Variants in PCSK5 observed in about 807,000 individuals in gnomAD.
The protein encoded by PCSK5 is proprotein convertase subtilisin/kexin type 5.
Under a neutral mutation model 233.2 loss-of-function variants are expected in PCSK5, and 129 were observed. The observed-to-expected ratio is 0.55, with a 90% CI of 0.48 to 0.64. The LOEUF is 0.64. Ranked by LOEUF, PCSK5 falls within the 30% of genes least tolerant of loss-of-function variation. The probability of loss-of-function intolerance (pLI) is 0.00; values close to 1 mark genes in which losing one functional copy is unlikely to be tolerated. For missense variants in PCSK5, 2,076 were observed against 2,430.1 expected, an observed-to-expected ratio of 0.85 and a Z score of 3.06; for synonymous variants, 825 against 879.2, an observed-to-expected ratio of 0.94 and a Z score of 1.09.
At chr9:76,117,374 T>A (rs930066930) in intron 9 of PCSK5, among the ~76,000 whole-genome samples, 18 of 152,062 alleles carry the variant, frequency 1.2e-4, no homozygotes, top group Admixed American at 1.2e-3. Flanking sequence ...TATATTGTGC[T>A]AGAGGGATTG....
chr9:76,166,751 C>G (rs1278212325), intron 12 of PCSK5, among the ~76,000 whole-genome samples: 1 of 152,208 alleles, frequency 6.6e-6, no homozygotes, highest in Non-Finnish European at 1.5e-5. Context: ...AGAGCTTAAG[C>G]TGGAGCTGTG....
intron 5 of PCSK5, among the ~76,000 whole-genome samples, chr9:76,058,126 A>G (rs550894977): frequency 6.6e-6 from 1 of 152,206 alleles, no homozygotes. Flanking sequence ...CAAGGATTAC[A>G]GATATTGCAA....
chr9:75,910,334 G>A (rs1345106938), intron 1 of PCSK5, among the ~76,000 whole-genome samples: 2 of 152,190 alleles, frequency 1.3e-5, no homozygotes, highest in Non-Finnish European at 2.9e-5. Context: ...TGGTAATTAT[G>A]TATATCCAAG....
chr9:75,970,618 TTTTA>T (rs1341768726), intron 2 of PCSK5, among the ~76,000 whole-genome samples: 1 of 152,102 alleles, frequency 6.6e-6, no homozygotes, highest in Non-Finnish European at 1.5e-5. Flanking sequence ...TTAAACTTTA[TTTTA>T]TTTATTTATT....
chr9:76,135,452 T>C (rs1822930831), intron 10 of PCSK5, among the ~76,000 whole-genome samples: 1 of 152,112 alleles, frequency 6.6e-6, no homozygotes, highest in Non-Finnish European at 1.5e-5. Flanking sequence ...TGAAGTATTA[T>C]CAAACACCTT....
chr9:76,004,519 A>C (rs753280342), intron 3 of PCSK5, among the ~76,000 whole-genome samples: 2 of 152,060 alleles, frequency 1.3e-5, no homozygotes, highest in Admixed American at 6.5e-5. Context: ...TTCCCTGTCA[A>C]TTTTTCCCCA....
At position 75,977,089 on chromosome 9, in the gene PCSK5, A is replaced by C. The variant is rs74336099; in HGVS notation, c.298-9043A>C. ...AACCTAGGCCTTTGCAGTTTATGAA[A>C]CAACTGCTCATATCTATTTCTAGAG... On this transcript the variant is annotated intron_variant, in intron 2 of 37. Transcript: ENST00000674117. Among the ~76,000 whole-genome samples the C allele has an allele frequency of 3.4e-3, 511 of 152,332 alleles. 1 individual carries two copies. Among genetic ancestry groups the C allele is most frequent in the African/African-American group, 0.012 (490 of 41,572 alleles).
At chr9:76,073,898 G>T (rs1321787443) in intron 7 of PCSK5, among the ~76,000 whole-genome samples, 2 of 151,972 alleles carry the variant, frequency 1.3e-5, no homozygotes, top group East Asian at 3.9e-4. Flanking sequence ...TAAAAATATG[G>T]TACTTTGGTT....
At chr9:76,194,436 A>T (rs1020330928) in intron 20 of PCSK5, 2 of 153,274 alleles carry the variant, frequency 1.3e-5, no homozygotes, top group African/African-American at 4.8e-5. Flanking sequence ...TTATTAGAAG[A>T]AGTTTTTTCA....
chr9:76,353,020 C>CAA (rs11450483), intron 36 of PCSK5, among the ~76,000 whole-genome samples: 22 of 147,860 alleles, frequency 1.5e-4, no homozygotes, highest in Middle Eastern at 3.5e-3. Context: ...AAGCCCGTCT[C>CAA]AAAAAAAAAA....
intron 20 of PCSK5, among the ~76,000 whole-genome samples, chr9:76,214,009 G>A (rs1020401057): frequency 6.6e-6 from 1 of 151,998 alleles, no homozygotes; most frequent in South Asian, 2.1e-4. Context: ...CTCATACAGT[G>A]AGGCCACGGA....
chr9:76,097,061 A>G (rs1331317305), intron 8 of PCSK5, among the ~76,000 whole-genome samples: 4 of 150,252 alleles, frequency 2.7e-5, no homozygotes, highest in Admixed American at 2.7e-4. Flanking sequence ...CCTCCCGAGT[A>G]GCTGGGACTA....
intron 3 of PCSK5, among the ~76,000 whole-genome samples, chr9:75,988,229 G>A (rs975063762): frequency 6.6e-6 from 1 of 152,014 alleles, no homozygotes; most frequent in African/African-American, 2.4e-5. Context: ...CATTTATTGA[G>A]CACTTACTAT....
chr9:76,099,424 C>T (rs1289160070), intron 8 of PCSK5, among the ~76,000 whole-genome samples: 1 of 152,160 alleles, frequency 6.6e-6, no homozygotes, highest in South Asian at 2.1e-4. Context: ...CATGTCCGGT[C>T]GCATTGTCGC....
At chr9:76,155,926 C>G (rs1822555358) in intron 10 of PCSK5, among the ~76,000 whole-genome samples, 1 of 152,136 alleles carries the variant, frequency 6.6e-6, no homozygotes. Context: ...CAGCCTCTGA[C>G]TGGGGTCTCT....
chr9:76,302,959 CTTTTTTT>C (rs10552673), intron 28 of PCSK5, among the ~76,000 whole-genome samples: 23 of 87,472 alleles, frequency 2.6e-4, no homozygotes, highest in African/African-American at 9.2e-4. Flanking sequence ...CAAAGTGGTT[CTTTTTTT>C]TTTTTTTTTT....
At chr9:76,196,513 G>A (rs1439122671) in intron 20 of PCSK5, among the ~76,000 whole-genome samples, 1 of 152,230 alleles carries the variant, frequency 6.6e-6, no homozygotes, top group Non-Finnish European at 1.5e-5. Context: ...TAGTCTTAAA[G>A]GTTCAGTGCT....
intron 2 of PCSK5, among the ~76,000 whole-genome samples, chr9:75,975,933 A>G (rs566009726): frequency 7.2e-5 from 11 of 152,116 alleles, no homozygotes; most frequent in African/African-American, 2.4e-4. Context: ...GCTGGGGGGA[A>G]TTCTTTGTTG....
intron 37 of PCSK5, among the ~76,000 whole-genome samples, chr9:76,357,545 G>GA (rs1434313572): frequency 6.6e-6 from 1 of 151,926 alleles, no homozygotes; most frequent in Non-Finnish European, 1.5e-5. Context: ...AATAATGATA[G>GA]AAAAAAATTC....
Sources: gnomAD v4.1 joint callset for allele counts (sites outside exome capture counted in the v4.1 genomes callset) on GRCh38, gnomAD v4.1.1 for gene constraint, MANE v1.5 for transcripts, NCBI Gene and HGNC (gene_info 2026-07-23, HGNC 2026-07-21) for gene names.